KCNMA1: variants seen among roughly 807,000 people sequenced by gnomAD.
KCNMA1 encodes the protein potassium calcium-activated channel subfamily M alpha 1, also known as Calcium-activated potassium channel subunit alpha-1.
A neutral mutation model predicts 140.0 loss-of-function variants in KCNMA1; 29 were observed. The observed-to-expected ratio is 0.21, with a 90% CI of 0.15 to 0.28. The LOEUF (loss-of-function observed/expected upper bound fraction) is 0.28, where lower values mean the gene tolerates loss of function less well. Ranked by LOEUF, KCNMA1 falls within the 10% of genes least tolerant of loss-of-function variation. KCNMA1 has a pLI of 1.00. For missense variants in KCNMA1, 880 were observed against 1,602.2 expected, an observed-to-expected ratio of 0.55 and a Z score of 7.70; for synonymous variants, 612 against 611.9, an observed-to-expected ratio of 1.00 and a Z score of 0.00.
chr10:76,930,384 A>G (rs936180755), intron 23 of KCNMA1: 1 of 152,226 alleles, frequency 6.6e-6, no homozygotes, highest in African/African-American at 2.4e-5. Context: ...AAGGTGCTCA[A>G]TATCACTAAT....
chr10:77,460,382 C>T (rs1001760721), intron 1 of KCNMA1, among the ~76,000 whole-genome samples: 6 of 152,166 alleles, frequency 3.9e-5, no homozygotes, highest in Non-Finnish European at 8.8e-5. Flanking sequence ...AGCAACCCCA[C>T]TAATGAGTAT....
At chr10:77,101,050 C>T (rs2097085300) in intron 9 of KCNMA1, among the ~76,000 whole-genome samples, 1 of 151,938 alleles carries the variant, frequency 6.6e-6, no homozygotes, top group African/African-American at 2.4e-5. Context: ...TCAGTATTAT[C>T]AGGAAATTGA....
At chr10:77,139,617 T>C (rs2098123590) in intron 5 of KCNMA1, among the ~76,000 whole-genome samples, 1 of 152,246 alleles carries the variant, frequency 6.6e-6, no homozygotes, top group African/African-American at 2.4e-5. Context: ...CTAGTACTGC[T>C]AACTTTCCTG....
chr10:77,543,530 G>T (rs969834221), intron 1 of KCNMA1, among the ~76,000 whole-genome samples: 18 of 152,120 alleles, frequency 1.2e-4, no homozygotes, highest in African/African-American at 4.3e-4. Flanking sequence ...CTCTCTAGAA[G>T]AAAACATAAC....
At chr10:77,012,922 A>G (rs2091176996) in intron 17 of KCNMA1, among the ~76,000 whole-genome samples, 1 of 152,208 alleles carries the variant, frequency 6.6e-6, no homozygotes, top group Non-Finnish European at 1.5e-5. Context: ...TTGAAATCAC[A>G]GTGCCTAGAA....
chr10:77,528,780 G>A (rs968547819), intron 1 of KCNMA1, among the ~76,000 whole-genome samples: 14 of 152,164 alleles, frequency 9.2e-5, no homozygotes, highest in African/African-American at 2.9e-4. Flanking sequence ...ACGGAGTACT[G>A]CTGCATGCCA....
intron 2 of KCNMA1, among the ~76,000 whole-genome samples, chr10:77,270,596 A>ACTGCAACC (rs1400310831): frequency 6.8e-6 from 1 of 147,370 alleles, no homozygotes; most frequent in Non-Finnish European, 1.5e-5. Flanking sequence ...ATGTCAGCTC[A>ACTGCAACC]CTGCAACCTC....
At chr10:76,981,498 C>G (rs1019022725) in intron 19 of KCNMA1, among the ~76,000 whole-genome samples, 2 of 152,132 alleles carry the variant, frequency 1.3e-5, no homozygotes, top group South Asian at 2.1e-4. Flanking sequence ...GTGAGGGCCT[C>G]TTTTCTTTCC....
intron 1 of KCNMA1, among the ~76,000 whole-genome samples, chr10:77,573,648 GAATAGAATAGAATAGAATAGAATA>G (rs1567636625): frequency 0.022 from 1,108 of 49,618 alleles, 10 homozygotes; most frequent in South Asian, 0.031. Context: ...GAATGGAATA[GAATAGAATAGAATAGAATAGAATA>G]GAATAGAATA....
intron 2 of KCNMA1, among the ~76,000 whole-genome samples, chr10:77,379,927 T>G (rs1364186574): frequency 6.6e-6 from 1 of 152,146 alleles, no homozygotes; most frequent in Non-Finnish European, 1.5e-5. Context: ...TCCTCCCCTA[T>G]GGGCTCCACT....
At chr10:77,314,172 T>A in intron 2 of KCNMA1, 1 of 152,152 alleles carries the variant, frequency 6.6e-6, no homozygotes, top group East Asian at 1.9e-4. Context: ...GTGTGTCTAT[T>A]GGGTGTACAG....
In KCNMA1 at chr10:76,885,076, C is replaced by T. The variant is rs573973947; in HGVS notation, c.*2190G>A. The T allele has an allele frequency of 1.0e-5, 16 of 1,542,228 alleles. No individual in the cohort carries two copies. The highest frequency in any genetic ancestry group is 1.4e-5 in the Non-Finnish European group (16 of 1,143,606). On this transcript the variant is annotated 3_prime_UTR_variant, in exon 28 of 28. Coordinates refer to ENST00000286628, the MANE Select transcript of KCNMA1 (RefSeq NM_001161352.2). ...CAATGCTTTTAAACTGTCATATTTC[C>T]TGTTGAGCACTTTAACTGGCACATT... is the stretch of plus-strand genomic sequence containing the variant.
At chr10:77,279,317 G>A (rs2067630689) in intron 2 of KCNMA1, among the ~76,000 whole-genome samples, 1 of 152,194 alleles carries the variant, frequency 6.6e-6, no homozygotes, top group Non-Finnish European at 1.5e-5. Context: ...AAATGCAGCT[G>A]CTGAAAACAC....
At chr10:77,156,605 G>A (rs899000795) in intron 5 of KCNMA1, among the ~76,000 whole-genome samples, 2 of 152,204 alleles carry the variant, frequency 1.3e-5, no homozygotes, top group African/African-American at 2.4e-5. Flanking sequence ...TAAGGTTAGG[G>A]TTATAAGAGG....
intron 1 of KCNMA1, among the ~76,000 whole-genome samples, chr10:77,450,731 G>T (rs754871178): frequency 6.6e-6 from 1 of 152,162 alleles, no homozygotes; most frequent in Non-Finnish European, 1.5e-5. Flanking sequence ...TGAGTACAGG[G>T]GATAGAAGGG....
intron 2 of KCNMA1, among the ~76,000 whole-genome samples, chr10:77,283,917 G>A (rs2069646599): frequency 6.6e-6 from 1 of 152,202 alleles, no homozygotes; most frequent in Non-Finnish European, 1.5e-5. Context: ...AGTTTCTCAA[G>A]AAAGTCGCAC....
intron 2 of KCNMA1, among the ~76,000 whole-genome samples, chr10:77,361,317 C>T (rs180985262): frequency 6.6e-6 from 1 of 152,298 alleles, no homozygotes; most frequent in East Asian, 1.9e-4. Flanking sequence ...ACTCTGAATT[C>T]AGAGCCTTTT....
At chr10:77,167,160 A>G (rs1346746485) in intron 5 of KCNMA1, among the ~76,000 whole-genome samples, 2 of 151,384 alleles carry the variant, frequency 1.3e-5, no homozygotes, top group African/African-American at 2.4e-5. Flanking sequence ...ATAACTACCA[A>G]TCTACTCTCT....
intron 25 of KCNMA1, chr10:76,901,246 C>T (rs1277149591): frequency 2.6e-5 from 4 of 152,112 alleles, no homozygotes; most frequent in African/African-American, 7.2e-5. Flanking sequence ...CATGCTTATC[C>T]TTGGTGTTGG....
Sources: gnomAD v4.1 joint callset for allele counts (sites outside exome capture counted in the v4.1 genomes callset) on GRCh38, gnomAD v4.1.1 for gene constraint, MANE v1.5 for transcripts, NCBI Gene and HGNC (gene_info 2026-07-23, HGNC 2026-07-21) for gene names.